The following TAAR1 variants were observed in gnomAD, a reference collection of about 807,000 sequenced individuals.
TAAR1 encodes trace amine associated receptor 1.
TAAR1 carries 1 observed loss-of-function variant against 1.2 expected under a neutral mutation model. The ratio of observed to expected loss-of-function variants is 0.81; its 90% CI spans 0.29 to 3.86. The LOEUF is 3.86. Ranked by LOEUF, TAAR1 falls within the 30% of genes most tolerant of loss-of-function variation. The pLI, the probability that TAAR1 is intolerant of heterozygous loss-of-function variation, is 0.18. For missense variants in TAAR1, 445 were observed against 405.6 expected, an observed-to-expected ratio of 1.10 and a Z score of -0.83; for synonymous variants, 153 against 132.2, an observed-to-expected ratio of 1.16 and a Z score of -1.08.
chr6:132,651,902 A>G (rs1212675202), intron 1 of TAAR1, among the ~76,000 whole-genome samples: 1 of 152,236 alleles, frequency 6.6e-6, no homozygotes, highest in Non-Finnish European at 1.5e-5. Context: ...AGAAACCTGC[A>G]TGGTGACATG....
intron 1 of TAAR1, among the ~76,000 whole-genome samples, chr6:132,653,751 C>T (rs985391883): frequency 5.9e-5 from 9 of 152,274 alleles, no homozygotes; most frequent in East Asian, 1.9e-4. Context: ...TGTTGTTTTA[C>T]GATCTCTTAT....
intron 1 of TAAR1, among the ~76,000 whole-genome samples, chr6:132,658,645 G>A (rs959300502): frequency 6.6e-6 from 1 of 151,886 alleles, no homozygotes; most frequent in Non-Finnish European, 1.5e-5. Context: ...TAAGATTATG[G>A]TTTTGCAGTT....
At chr6:132,647,365 C>G (rs1777685273) in intron 1 of TAAR1, among the ~76,000 whole-genome samples, 1 of 12,026 alleles carries the variant, frequency 8.3e-5, no homozygotes, top group Non-Finnish European at 1.3e-4. Context: ...TACGCATGCA[C>G]ACACACACAC....
In TAAR1 at chr6:132,645,788, C is replaced by A. The variant is rs546157169; in HGVS notation, c.216G>T (p.Leu72=). ...TACTGTAAGGCATGACCAGACACCC[C>A]AGAAGAAAGTCCACAGTGGCCATGG... ...IHSMATVDFL[L]GCLVMPYSMV... Residue 72 remains leucine (L), a synonymous_variant, in exon 2 of 2, where the codon CTG becomes CTT. Transcript: ENST00000275216. The A allele has an allele frequency of 6.2e-7, 1 of 1,613,650 alleles. No individual in the cohort carries two copies. Among genetic ancestry groups the A allele is most frequent in the South Asian group, 1.1e-5 (1 of 91,066 alleles).
chr6:132,655,410 T>C (rs1482975055), intron 1 of TAAR1, among the ~76,000 whole-genome samples: 1 of 149,310 alleles, frequency 6.7e-6, no homozygotes, highest in Admixed American at 6.7e-5. Flanking sequence ...AACAAGGTCT[T>C]GCTGTGTCAC....
At chr6:132,655,322 G>A (rs1777792761) in intron 1 of TAAR1, among the ~76,000 whole-genome samples, 1 of 150,444 alleles carries the variant, frequency 6.6e-6, no homozygotes, top group South Asian at 2.1e-4. Context: ...GGATAAAATA[G>A]AAGAGTCTCA....
intron 1 of TAAR1, among the ~76,000 whole-genome samples, chr6:132,658,211 AGAGACCAGGGT>A (rs1562205686): frequency 6.6e-6 from 1 of 152,150 alleles, no homozygotes; most frequent in African/African-American, 2.4e-5. Context: ...AAAGGGGGAA[AGAGACCAGGGT>A]GAGGGGAAAC....
intron 1 of TAAR1, among the ~76,000 whole-genome samples, chr6:132,647,677 A>T (rs569983623): frequency 6.7e-6 from 1 of 149,094 alleles, no homozygotes; most frequent in South Asian, 2.1e-4. Context: ...AGAAAGAAAG[A>T]AAGAAGAAAG....
intron 1 of TAAR1, among the ~76,000 whole-genome samples, chr6:132,650,581 C>A (rs1777739397): frequency 2.6e-5 from 4 of 152,206 alleles, no homozygotes; most frequent in Admixed American, 2.6e-4. Context: ...CATCCTTACT[C>A]TCACCTAATG....
chr6:132,655,448 T>C (rs1309655218), intron 1 of TAAR1, among the ~76,000 whole-genome samples: 1 of 149,980 alleles, frequency 6.7e-6, no homozygotes, highest in African/African-American at 2.5e-5. Flanking sequence ...GGTGCCATCA[T>C]GGTTCACTGC....
intron 1 of TAAR1, among the ~76,000 whole-genome samples, chr6:132,656,140 T>C (rs1189882771): frequency 6.6e-6 from 1 of 152,138 alleles, no homozygotes; most frequent in Non-Finnish European, 1.5e-5. Context: ...CTCCAGAGGC[T>C]GCAGTTTCCT....
At chr6:132,650,219 C>T (rs924885530) in intron 1 of TAAR1, among the ~76,000 whole-genome samples, 5 of 152,118 alleles carry the variant, frequency 3.3e-5, no homozygotes, top group African/African-American at 9.7e-5. Context: ...TTTTTCAACT[C>T]GAAGCCCTCA....
At chr6:132,657,098 C>A (rs1364526756) in intron 1 of TAAR1, among the ~76,000 whole-genome samples, 1 of 151,952 alleles carries the variant, frequency 6.6e-6, no homozygotes, top group Non-Finnish European at 1.5e-5. Flanking sequence ...AAATGAAAAA[C>A]AAATAAATTT....
In TAAR1 at chr6:132,650,462, T is replaced by C. The variant is rs540220770; in HGVS notation, c.-126-4333A>G. Among the ~76,000 whole-genome samples the C allele has an allele frequency of 2.0e-5, 3 of 152,328 alleles. No homozygotes were observed. The South Asian group carries it at 6.2e-4, about 32-fold the overall frequency. ...CCTTCTTTTAAATTCGTAACAAAAA[T>C]GGACCATTACAATTGCTCAGGAATC... On this transcript the variant is annotated intron_variant, in intron 1 of 1. Transcript: ENST00000275216.
rs1345987426 is a variant in TAAR1, at chr6:132,644,187, C to T, written c.*797G>A. Among the ~76,000 whole-genome samples, 1 of 151,748 alleles carries T rather than the reference C, an allele frequency of 6.6e-6. No homozygotes were observed. The highest frequency in any genetic ancestry group is 2.4e-5 in the African/African-American group (1 of 41,368). Reference sequence around the variant, plus strand: ...ACATCTGTGCAGTCACGTTATACAGCCACAAAAAGGGATTACTCATAGCTC... The same window carrying T: ...ACATCTGTGCAGTCACGTTATACAGTCACAAAAAGGGATTACTCATAGCTC... On this transcript the variant is annotated 3_prime_UTR_variant, in exon 2 of 2. Transcript: ENST00000275216.
chr6:132,647,362 GCACACA>G (rs55908881), intron 1 of TAAR1, among the ~76,000 whole-genome samples: 40,155 of 140,488 alleles, frequency 0.29, 6,002 homozygotes, highest in South Asian at 0.39. Flanking sequence ...ACATACGCAT[GCACACA>G]CACACACACA....
chr6:132,653,864 G>A (rs112328676), intron 1 of TAAR1, among the ~76,000 whole-genome samples: 4 of 152,018 alleles, frequency 2.6e-5, no homozygotes, highest in Non-Finnish European at 5.9e-5. Flanking sequence ...TTGCCCAATC[G>A]GTGACCATCG....
At chr6:132,647,644 GAAAGAAAGAA>G (rs1475458379) in intron 1 of TAAR1, among the ~76,000 whole-genome samples, 1 of 137,378 alleles carries the variant, frequency 7.3e-6, no homozygotes, top group African/African-American at 2.9e-5. Flanking sequence ...AAGAAAGAAA[GAAAGAAAGAA>G]AGAAAGAAAG....
At chr6:132,647,622 AGGAAAGAAAGAAAGAAAGAAAG>A (rs1777693540) in intron 1 of TAAR1, among the ~76,000 whole-genome samples, 3 of 98,712 alleles carry the variant, frequency 3.0e-5, no homozygotes, top group African/African-American at 9.6e-5. Context: ...AGAAAGAAAA[AGGAAAGAAAGAAAGAAAGAAAG>A]AAAGAAAGAA....
Sources: allele counts gnomAD v4.1 joint callset (sites outside exome capture counted in the v4.1 genomes callset), GRCh38; gene constraint gnomAD v4.1.1; transcripts MANE v1.5; gene names NCBI Gene and HGNC (gene_info 2026-07-23, HGNC 2026-07-21).